Variants in CYP19A1 observed in about 807,000 individuals in gnomAD.
CYP19A1 encodes cytochrome P450 family 19 subfamily A member 1.
In CYP19A1, 32 loss-of-function variants were observed where a neutral mutation model predicts 44.4. The observed-to-expected ratio is 0.72, with a 90% CI of 0.54 to 0.97. CYP19A1 has a LOEUF of 0.97. CYP19A1 is among the 50% of genes least tolerant of loss of function. CYP19A1 has a pLI of 0.00. For missense variants in CYP19A1, 598 were observed against 637.8 expected (o/e 0.94, Z 0.67); for synonymous variants, 212 against 215.6 (o/e 0.98, Z 0.14).
At chr15:51,300,375 C>T (rs2036087231) in intron 1 of CYP19A1, among the ~76,000 whole-genome samples, 1 of 152,152 alleles carries the variant, frequency 6.6e-6, no homozygotes, top group African/African-American at 2.4e-5. Flanking sequence ...CTATTAGCTT[C>T]TCAGTGAGGA....
In CYP19A1 at chr15:51,215,715, C is replaced by T. The variant is rs767752968; in HGVS notation, c.846G>A (p.Leu282=). The T allele has an allele frequency of 3.1e-6, 5 of 1,613,884 alleles. No individual in the cohort carries two copies. In the Admixed American group the frequency reaches 6.7e-5, roughly 22 times the overall value. The change falls in exon 7 of 10, where the codon TTG becomes TTA. Residue 282 remains leucine (L), a synonymous_variant. Transcript: ENST00000396402. ...TTCAGGTCAGTACCTCTGCTAAAATCAACTCAGTGGCAAAGTCCATACATT... is the reference window on the plus strand; with the variant it reads ...TTCAGGTCAGTACCTCTGCTAAAATTAACTCAGTGGCAAAGTCCATACATT... The part of the protein sequence containing the change: ...LEECMDFATE[L]ILAEKRGDLT...
chr15:51,227,847 T>C lies in CYP19A1; in HGVS notation c.383A>G (p.His128Arg), dbSNP rs375975652. The change falls in exon 4 of 10, where the codon CAT (histidine) becomes CGT (arginine). Residue 128 changes from histidine to arginine, a missense_variant. Coordinates refer to ENST00000396402, the MANE Select transcript of CYP19A1 (RefSeq NM_000103.4). ...GTTGTTAAATATGATGCCTTTCTCA[T>C]GCATACCGATGCACTGCAGCCCAAG... ...SKLGLQCIGMHEKGIIFNNNP... is the reference protein window; with the variant it reads ...SKLGLQCIGMREKGIIFNNNP... The C allele has an allele frequency of 1.3e-4, 203 of 1,513,096 alleles. No homozygotes were observed. Among genetic ancestry groups the C allele is most frequent in the Non-Finnish European group, 1.8e-4 (193 of 1,088,150 alleles). 93.7% of individuals were successfully genotyped at this position (1,513,096 alleles called of 1,614,324 possible).
At chr15:51,211,297 G>T (rs776264039) in intron 9 of CYP19A1, among the ~76,000 whole-genome samples, 1 of 152,152 alleles carries the variant, frequency 6.6e-6, no homozygotes, top group Admixed American at 6.5e-5. Context: ...ATGTGCTGGG[G>T]TAAAGCAATG....
chr15:51,294,151 GAGCCCCTCTGCCTGGCTGCCCAGTCTGGA>G (rs2140991611), intron 1 of CYP19A1, among the ~76,000 whole-genome samples: 2 of 136,276 alleles, frequency 1.5e-5, no homozygotes, highest in African/African-American at 6.7e-5. Context: ...GGGATGTGAG[GAGCCCCTCTGCCTGGCTGCCCAGTCTGGA>G]AAGTGAGGAG....
At chr15:51,324,661 T>A (rs1414829577) in intron 1 of CYP19A1, among the ~76,000 whole-genome samples, 1 of 152,274 alleles carries the variant, frequency 6.6e-6, no homozygotes, top group African/African-American at 2.4e-5. Flanking sequence ...AAACGAAATG[T>A]CTACTTAAAT....
rs549127804 is a variant in CYP19A1, at chr15:51,282,705, G to A, written c.-38-39755C>T. Among the ~76,000 whole-genome samples, 30 of 152,312 alleles carry A rather than the reference G, an allele frequency of 2.0e-4. No homozygotes were observed. In the South Asian group the frequency reaches 5.0e-3, roughly 25 times the overall value. On this transcript the variant is annotated intron_variant, in intron 1 of 9. Transcript: ENST00000396402. ...ACCCCAACATTCCTGGCTGCCCAACGTGGGGCGACAAAGGCCCTGGTGAAG... is the reference window on the plus strand; with the variant it reads ...ACCCCAACATTCCTGGCTGCCCAACATGGGGCGACAAAGGCCCTGGTGAAG...
intron 1 of CYP19A1, among the ~76,000 whole-genome samples, chr15:51,302,856 G>A (rs1435762805): frequency 6.6e-6 from 1 of 152,246 alleles, no homozygotes; most frequent in African/African-American, 2.4e-5. Context: ...CCAGTAGACA[G>A]TAAGCTCCTC....
chr15:51,220,220 CT>C (rs1189118891), intron 5 of CYP19A1, among the ~76,000 whole-genome samples: 1 of 152,192 alleles, frequency 6.6e-6, no homozygotes, highest in Non-Finnish European at 1.5e-5. Flanking sequence ...CTGCAGAGGC[CT>C]TTTCTAACCA....
chr15:51,329,223 G>A (rs1461439081), intron 1 of CYP19A1, among the ~76,000 whole-genome samples: 1 of 152,138 alleles, frequency 6.6e-6, no homozygotes, highest in Non-Finnish European at 1.5e-5. Context: ...GGGATGCCGA[G>A]CTCTTGGCCA....
At chr15:51,322,134 G>C (rs960927843) in intron 1 of CYP19A1, 1 of 152,312 alleles carries the variant, frequency 6.6e-6, no homozygotes, top group African/African-American at 2.4e-5. Context: ...CAAAGGGGCT[G>C]CTTAGGCTGG....
Position 51,248,119 on chromosome 15 carries a change from C to G in CYP19A1, c.-38-5169G>C, listed in dbSNP as rs2034147412. 2.0e-5 allele frequency among the ~76,000 whole-genome samples: 3 copies of G among 152,278 alleles called. 1 individual carries two copies. The South Asian group carries it at 6.2e-4, about 32-fold the overall frequency. On this transcript the variant is annotated intron_variant, in intron 1 of 9. Coordinates refer to ENST00000396402, the MANE Select transcript of CYP19A1 (RefSeq NM_000103.4). ...AAATCTACTGAGAATTCCTGGTGGA[C>G]CCTCAATCCTCTCTTGGCAGTCCCA...
At chr15:51,320,660 T>A (rs1398929239) in intron 1 of CYP19A1, among the ~76,000 whole-genome samples, 1 of 152,138 alleles carries the variant, frequency 6.6e-6, no homozygotes, top group Non-Finnish European at 1.5e-5. Flanking sequence ...TCTCAGGTCC[T>A]CCTCTCAGCC....
At chr15:51,242,367 G>A in intron 2 of CYP19A1, 1 of 283,864 alleles carries the variant, frequency 3.5e-6, no homozygotes, top group Non-Finnish European at 6.8e-6. Flanking sequence ...AAAGTGAAAG[G>A]GAGAAGAAAA....
chr15:51,212,589 A>G, intron 8 of CYP19A1, 28 bp from the exon 9 acceptor site: 1 of 1,376,950 alleles, frequency 7.3e-7, no homozygotes, highest in Non-Finnish European at 1.0e-6. Flanking sequence ...AGGAACAAAG[A>G]AGGTAATGTT....
At chr15:51,287,280 C>G (rs1387405629) in intron 1 of CYP19A1, among the ~76,000 whole-genome samples, 1 of 152,180 alleles carries the variant, frequency 6.6e-6, no homozygotes, top group Non-Finnish European at 1.5e-5. Context: ...ACCGAGGCTC[C>G]TCAGTCAAGG....
Position 51,215,130 on chromosome 15 carries a change from G to T in CYP19A1, c.961C>A (p.Leu321Ile), listed in dbSNP as rs1338862835. 4 of 1,613,948 alleles carry T rather than the reference G, an allele frequency of 2.5e-6. No homozygotes were observed. The highest frequency in any genetic ancestry group is 3.4e-6 in the Non-Finnish European group (4 of 1,179,998). The part of the protein sequence containing the change: ...MSVSLFFMLF[L>I]IAKHPNVEEA... ...TCAACATTAGGGTGCTTTGCAATGA[G>T]AAATAGCATGAAGAACAAAGAGACA... is the stretch of plus-strand genomic sequence containing the variant. Residue 321 changes from leucine (L) to isoleucine (I), a missense_variant, in exon 8 of 10, where the codon CTC (leucine) becomes ATC (isoleucine). Physicochemically the swap from Leu to Ile is conservative, Grantham distance 5. Coordinates refer to ENST00000396402, the MANE Select transcript of CYP19A1 (RefSeq NM_000103.4).
chr15:51,295,014 A>G (rs2140993988), intron 1 of CYP19A1, among the ~76,000 whole-genome samples: 1 of 150,488 alleles, frequency 6.6e-6, no homozygotes, highest in Non-Finnish European at 1.5e-5. Context: ...AAAAAAAAAG[A>G]ATGCCTGATA....
At chr15:51,311,972 A>G (rs1286589129) in intron 1 of CYP19A1, among the ~76,000 whole-genome samples, 3 of 152,236 alleles carry the variant, frequency 2.0e-5, no homozygotes, top group Non-Finnish European at 4.4e-5. Context: ...TTCAAAAATA[A>G]TATTATATAT....
At chr15:51,281,864 C>T (rs914647051) in intron 1 of CYP19A1, among the ~76,000 whole-genome samples, 4 of 152,212 alleles carry the variant, frequency 2.6e-5, no homozygotes, top group African/African-American at 9.7e-5. Flanking sequence ...TATACATTTT[C>T]CCTTAAGTCT....
Sources: allele counts gnomAD v4.1 joint callset (sites outside exome capture counted in the v4.1 genomes callset), GRCh38; gene constraint gnomAD v4.1.1; transcripts MANE v1.5; gene names NCBI Gene and HGNC (gene_info 2026-07-23, HGNC 2026-07-21).